PCDH11X: variants seen among roughly 807,000 people sequenced by gnomAD.
The protein encoded by PCDH11X is protocadherin 11 X-linked.
Under a neutral mutation model 53.3 loss-of-function variants are expected in PCDH11X, and 18 were observed. The observed-to-expected ratio is 0.34, with a 90% confidence interval of 0.23 to 0.50. The LOEUF (loss-of-function observed/expected upper bound fraction) is 0.50. PCDH11X is among the 20% of genes least tolerant of loss of function. The pLI, the probability that PCDH11X is intolerant of heterozygous loss-of-function variation, is 0.98. For synonymous variants in PCDH11X, 279 were observed against 393.3 expected (o/e 0.71, Z 3.44); for missense variants, 570 against 1,032.4 (o/e 0.55, Z 6.14).
At chrX:92,338,532 C>T (rs1200117189) in intron 8 of PCDH11X, among the ~76,000 whole-genome samples, 1 of 109,727 alleles carries the variant, frequency 9.1e-6, no homozygotes, top group African/African-American at 3.3e-5. Context: ...ATACTGTTTT[C>T]TGCCTTGAAT....
intron 10 of PCDH11X, among the ~76,000 whole-genome samples, chrX:92,597,075 G>A (rs1396548947): frequency 1.8e-5 from 2 of 111,229 alleles, no homozygotes; most frequent in East Asian, 5.7e-4. Context: ...AGTATATCAC[G>A]CTGAATAGTA....
At chrX:91,942,009 G>T (rs1310193918) in intron 6 of PCDH11X, among the ~76,000 whole-genome samples, 1 of 110,014 alleles carries the variant, frequency 9.1e-6, no homozygotes, top group East Asian at 2.9e-4. Context: ...AAATCAATTT[G>T]TCAGAATTTC....
intron 6 of PCDH11X, among the ~76,000 whole-genome samples, chrX:92,138,520 T>C (rs1181914667): frequency 9.7e-6 from 1 of 103,511 alleles, no homozygotes; most frequent in Non-Finnish European, 1.9e-5. Context: ...AAATTAACAA[T>C]TAATGGATAT....
chrX:92,054,786 C>T (rs1483044000), intron 6 of PCDH11X, among the ~76,000 whole-genome samples: 4 of 92,184 alleles, frequency 4.3e-5, no homozygotes, highest in Non-Finnish European at 8.2e-5. Context: ...TGCCATTGCA[C>T]TCCAGCCTGG....
chrX:91,843,221 T>G (rs2147637431), intron 5 of PCDH11X, among the ~76,000 whole-genome samples: 1 of 108,543 alleles, frequency 9.2e-6, no homozygotes, highest in South Asian at 4.1e-4. Flanking sequence ...CTAATGATAG[T>G]AAAGAGGAAA....
intron 6 of PCDH11X, among the ~76,000 whole-genome samples, chrX:92,115,916 T>A (rs2064629249): frequency 1.9e-5 from 2 of 107,976 alleles, no homozygotes; most frequent in South Asian, 8.6e-4. Context: ...GAAACAATAC[T>A]TTGCATCCTG....
chrX:92,603,928 A>G (rs1012771830), intron 10 of PCDH11X, among the ~76,000 whole-genome samples: 2 of 107,095 alleles, frequency 1.9e-5, no homozygotes, highest in Admixed American at 1.0e-4. Flanking sequence ...AAACCCTTGT[A>G]TAAGACAAGA....
chrX:92,065,745 T>C (rs948071016), intron 6 of PCDH11X, among the ~76,000 whole-genome samples: 3 of 109,610 alleles, frequency 2.7e-5, no homozygotes, highest in African/African-American at 1.0e-4. Flanking sequence ...GCTCCTTATA[T>C]ATTCTGATTA....
chrX:92,395,773 C>G (rs2071228761), intron 9 of PCDH11X, among the ~76,000 whole-genome samples: 1 of 110,537 alleles, frequency 9.0e-6, no homozygotes, highest in Admixed American at 9.7e-5. Context: ...TGATGTGTAT[C>G]GTTTATCGTG....
intron 6 of PCDH11X, among the ~76,000 whole-genome samples, chrX:92,102,077 A>C (rs1009458841): frequency 4.5e-5 from 5 of 110,999 alleles, no homozygotes; most frequent in African/African-American, 1.6e-4. Context: ...GATCAGAGAG[A>C]TACAATCGTG....
intron 6 of PCDH11X, among the ~76,000 whole-genome samples, chrX:92,134,021 G>A (rs1217076330): frequency 1.8e-5 from 2 of 111,410 alleles, no homozygotes; most frequent in East Asian, 5.7e-4. Context: ...AGTGGGGAGG[G>A]GACTTTCAGG....
At chrX:91,955,688 T>C (rs974501574) in intron 6 of PCDH11X, among the ~76,000 whole-genome samples, 28 of 112,121 alleles carry the variant, frequency 2.5e-4, no homozygotes, top group African/African-American at 9.1e-4. Flanking sequence ...TATTATGTGA[T>C]CAATTTTAGA....
chrX:91,834,237 T>C (rs776861927), intron 4 of PCDH11X, among the ~76,000 whole-genome samples: 1 of 111,229 alleles, frequency 9.0e-6, no homozygotes, highest in East Asian at 2.8e-4. Flanking sequence ...ATAAATAAAA[T>C]AGAGAATAAG....
At chrX:92,156,834 A>G (rs1309670924) in intron 6 of PCDH11X, among the ~76,000 whole-genome samples, 2 of 112,063 alleles carry the variant, frequency 1.8e-5, no homozygotes, top group African/African-American at 6.5e-5. Flanking sequence ...ACATACAAAG[A>G]ATCACTTCAC....
chrX:92,405,713 G>C (rs6652293), intron 9 of PCDH11X, among the ~76,000 whole-genome samples: 14,953 of 105,730 alleles, frequency 0.14, 1,710 homozygotes, highest in East Asian at 0.75. Context: ...AAACACCACT[G>C]TAAGATATGA....
At chrX:92,259,750 G>A (rs2067674932) in intron 7 of PCDH11X, among the ~76,000 whole-genome samples, 1 of 111,821 alleles carries the variant, frequency 8.9e-6, no homozygotes, top group South Asian at 3.8e-4. Context: ...GGTCCTTGAT[G>A]TAGTACCTGG....
chrX:91,787,278 G>A (rs934090871), intron 1 of PCDH11X, among the ~76,000 whole-genome samples: 1 of 110,011 alleles, frequency 9.1e-6, no homozygotes, highest in Non-Finnish European at 1.9e-5. Context: ...TGATTTTTAG[G>A]TAGTGTTTTT....
intron 10 of PCDH11X, among the ~76,000 whole-genome samples, chrX:92,493,345 T>A (rs2073800034): frequency 9.0e-6 from 1 of 111,232 alleles, no homozygotes; most frequent in Non-Finnish European, 1.9e-5. Context: ...ATTGGACACA[T>A]AAAATTTAAG....
chrX:91,839,727 A>T (rs1937449545), intron 5 of PCDH11X, among the ~76,000 whole-genome samples: 1 of 111,407 alleles, frequency 9.0e-6, no homozygotes, highest in African/African-American at 3.3e-5. Context: ...TGTGACTTTG[A>T]TGCGATTAAT....
Sources: gnomAD v4.1 joint callset for allele counts (sites outside exome capture counted in the v4.1 genomes callset) on GRCh38, gnomAD v4.1.1 for gene constraint, MANE v1.5 for transcripts, NCBI Gene and HGNC (gene_info 2026-07-23, HGNC 2026-07-21) for gene names.